The following PCDH15 variants were observed in gnomAD, a reference collection of about 807,000 sequenced individuals.
PCDH15 encodes the protein protocadherin-15.
PCDH15 carries 129 observed loss-of-function variants against 178.5 expected under a neutral mutation model. The ratio of observed to expected loss-of-function variants is 0.72; its 90% CI spans 0.63 to 0.84. PCDH15 has a LOEUF of 0.84. PCDH15 is among the 40% of genes least tolerant of loss of function. PCDH15 has a pLI of 0.00. For synonymous variants in PCDH15, 800 were observed against 732.0 expected (o/e 1.09, Z -1.50); for missense variants, 2,230 against 2,099.9 (o/e 1.06, Z -1.21).
At chr10:55,242,099 G>A (rs16907157) in intron 1 of PCDH15, among the ~76,000 whole-genome samples, 21,524 of 152,134 alleles carry the variant, frequency 0.14, 1,629 homozygotes, top group East Asian at 0.27. Flanking sequence ...ACGTGCACAT[G>A]ACTAGTGAGG....
chr10:54,452,357 C>T (rs2076532772), intron 3 of PCDH15: 1 of 151,866 alleles, frequency 6.6e-6, no homozygotes, highest in Non-Finnish European at 1.5e-5. Context: ...AAATTCTACC[C>T]CTTAGACACT....
At chr10:54,881,785 G>A (rs1332904274) in intron 3 of PCDH15, among the ~76,000 whole-genome samples, 1 of 151,986 alleles carries the variant, frequency 6.6e-6, no homozygotes, top group Non-Finnish European at 1.5e-5. Context: ...TAGACTGGTG[G>A]GGCTTTTTCA....
intron 1 of PCDH15, among the ~76,000 whole-genome samples, chr10:55,305,442 G>T (rs932206006): frequency 6.6e-6 from 1 of 152,200 alleles, no homozygotes; most frequent in Non-Finnish European, 1.5e-5. Context: ...GAGTGGCATT[G>T]TCCTCATACC....
intron 1 of PCDH15, among the ~76,000 whole-genome samples, chr10:55,269,301 G>GAA (rs57047646): frequency 1.2e-4 from 18 of 149,718 alleles, no homozygotes; most frequent in African/African-American, 3.7e-4. Context: ...GCAAGAGAAA[G>GAA]AAAAAAAAAG....
intron 15 of PCDH15, among the ~76,000 whole-genome samples, chr10:54,109,582 A>G (rs2132682427): frequency 6.6e-6 from 1 of 152,330 alleles, no homozygotes; most frequent in South Asian, 2.1e-4. Flanking sequence ...GAAATAAGCC[A>G]GGCACAGAAA....
intron 13 of PCDH15, among the ~76,000 whole-genome samples, chr10:54,181,765 G>C (rs111296563): frequency 1.5e-3 from 229 of 152,160 alleles, no homozygotes; most frequent in African/African-American, 4.8e-3. Context: ...AGTTTGAAAC[G>C]TTTTTTCTCT....
At chr10:54,828,487 GTGT>G (rs1953167117) in intron 3 of PCDH15, among the ~76,000 whole-genome samples, 1 of 49,060 alleles carries the variant, frequency 2.0e-5, no homozygotes. Context: ...ATATATGTAT[GTGT>G]ATGTGTATGT....
At chr10:54,928,476 G>T (rs186491005) in intron 2 of PCDH15, among the ~76,000 whole-genome samples, 3 of 152,216 alleles carry the variant, frequency 2.0e-5, no homozygotes, top group Non-Finnish European at 2.9e-5. Context: ...GAATTTAAAT[G>T]TTGGCCTTTC....
chr10:54,285,920 A>G (rs1211151065), intron 8 of PCDH15, among the ~76,000 whole-genome samples: 5 of 152,202 alleles, frequency 3.3e-5, no homozygotes, highest in Non-Finnish European at 4.4e-5. Context: ...AGGCAACATA[A>G]AAGAACCTGA....
At chr10:54,845,581 T>C (rs1030233709) in intron 3 of PCDH15, among the ~76,000 whole-genome samples, 9 of 152,102 alleles carry the variant, frequency 5.9e-5, no homozygotes, top group African/African-American at 2.2e-4. Flanking sequence ...TACAGGCTTT[T>C]ATTATCTATT....
At chr10:54,185,885 A>C (rs1345477592) in intron 11 of PCDH15, among the ~76,000 whole-genome samples, 1 of 152,110 alleles carries the variant, frequency 6.6e-6, no homozygotes, top group African/African-American at 2.4e-5. Context: ...GATTTAAAAT[A>C]TGCATAAATT....
At chr10:54,089,217 T>C (rs17644321) in intron 16 of PCDH15, among the ~76,000 whole-genome samples, 30,518 of 152,202 alleles carry the variant, frequency 0.2, 3,336 homozygotes, top group Non-Finnish European at 0.25. Flanking sequence ...CTGAGTCTGA[T>C]GTGGCAATGT....
chr10:54,600,183 C>T, intron 2 of PCDH15: 1 of 643,982 alleles, frequency 1.6e-6, no homozygotes, highest in South Asian at 1.6e-5. Flanking sequence ...AGGCAGTCAC[C>T]ATTACCAAAT....
intron 13 of PCDH15, among the ~76,000 whole-genome samples, chr10:54,177,092 G>C (rs2047514915): frequency 6.6e-6 from 1 of 152,072 alleles, no homozygotes; most frequent in African/African-American, 2.4e-5. Context: ...ATATTATACA[G>C]CCCTGAAAAG....
At chr10:54,261,877 A>AT (rs1652122401) in intron 8 of PCDH15, among the ~76,000 whole-genome samples, 1 of 152,178 alleles carries the variant, frequency 6.6e-6, no homozygotes, top group Admixed American at 6.5e-5. Flanking sequence ...AAACCGTCAC[A>AT]TTTTAAACAG....
At chr10:54,067,463 G>A (rs1176081068) in intron 17 of PCDH15, among the ~76,000 whole-genome samples, 1 of 152,124 alleles carries the variant, frequency 6.6e-6, no homozygotes, top group Admixed American at 6.6e-5. Context: ...TACGGAAATG[G>A]TATGCAGGTA....
intron 3 of PCDH15, among the ~76,000 whole-genome samples, chr10:54,507,763 A>AT: frequency 6.6e-6 from 1 of 152,152 alleles, no homozygotes; most frequent in East Asian, 1.9e-4. Context: ...GTGGAATCTG[A>AT]TTTTTAAATA....
At chr10:55,126,116 T>C (rs1316912822) in intron 2 of PCDH15, among the ~76,000 whole-genome samples, 1 of 152,042 alleles carries the variant, frequency 6.6e-6, no homozygotes, top group African/African-American at 2.4e-5. Context: ...CCTCTCCCTT[T>C]CCTGCTGCAA....
intron 3 of PCDH15, among the ~76,000 whole-genome samples, chr10:54,492,484 G>A (rs2079692392): frequency 6.6e-6 from 1 of 152,160 alleles, no homozygotes; most frequent in African/African-American, 2.4e-5. Context: ...TCTTGTAACT[G>A]TACAGTAGTT....
Sources: gnomAD v4.1 joint callset for allele counts (sites outside exome capture counted in the v4.1 genomes callset) on GRCh38, gnomAD v4.1.1 for gene constraint, MANE v1.5 for transcripts, NCBI Gene and HGNC (gene_info 2026-07-23, HGNC 2026-07-21) for gene names.